SNTB1: variants seen among roughly 807,000 people sequenced by gnomAD.
SNTB1 encodes syntrophin beta 1.
In SNTB1, 36 loss-of-function variants were observed where a neutral mutation model predicts 48.9. The ratio of observed to expected loss-of-function variants is 0.74; its 90% CI spans 0.56 to 0.97. The LOEUF (loss-of-function observed/expected upper bound fraction) is 0.97. Ranked by LOEUF, SNTB1 falls within the 50% of genes least tolerant of loss-of-function variation. SNTB1 has a pLI of 0.00. For synonymous variants in SNTB1, 299 were observed against 294.6 expected, an observed-to-expected ratio of 1.01 and a Z score of -0.15; for missense variants, 786 against 703.4, an observed-to-expected ratio of 1.12 and a Z score of -1.33.
At chr8:120,621,875 C>T (rs1005067325) in intron 3 of SNTB1, among the ~76,000 whole-genome samples, 22 of 152,288 alleles carry the variant, frequency 1.4e-4, no homozygotes, top group African/African-American at 5.1e-4. Flanking sequence ...CTCCCTCCTC[C>T]CCGATCCCCA....
chr8:120,634,564 CA>C (rs1329374061), intron 2 of SNTB1, among the ~76,000 whole-genome samples: 3 of 152,146 alleles, frequency 2.0e-5, no homozygotes, highest in African/African-American at 7.2e-5. Context: ...TGAGATTGGA[CA>C]ATGTCTTATG....
At chr8:120,753,617 C>T (rs896263398) in intron 1 of SNTB1, among the ~76,000 whole-genome samples, 8 of 152,222 alleles carry the variant, frequency 5.3e-5, no homozygotes, top group Non-Finnish European at 8.8e-5. Context: ...GTGCTTGGTA[C>T]ATTTTCCCTG....
At chr8:120,616,412 GCCTCAGCCTTC>G (rs1437796296) in intron 3 of SNTB1, among the ~76,000 whole-genome samples, 9 of 149,150 alleles carry the variant, frequency 6.0e-5, no homozygotes, top group Non-Finnish European at 1.2e-4. Flanking sequence ...TGATCTTCCT[GCCTCAGCCTTC>G]CCAGTAAGCT....
chr8:120,700,699 T>C (rs1346756463), intron 1 of SNTB1, among the ~76,000 whole-genome samples: 1 of 152,182 alleles, frequency 6.6e-6, no homozygotes, highest in Non-Finnish European at 1.5e-5. Context: ...GAGCATTCAG[T>C]AAAGTACAAA....
chr8:120,608,674 T>C (rs1035871213), intron 3 of SNTB1, among the ~76,000 whole-genome samples: 1 of 152,192 alleles, frequency 6.6e-6, no homozygotes, highest in Non-Finnish European at 1.5e-5. Flanking sequence ...AGCAAACTAA[T>C]TCAGCTTCTA....
chr8:120,718,000 C>G (rs1177678220), intron 1 of SNTB1, among the ~76,000 whole-genome samples: 1 of 152,196 alleles, frequency 6.6e-6, no homozygotes, highest in Non-Finnish European at 1.5e-5. Context: ...GCCTTTGTCC[C>G]TTTTATTCTT....
At chr8:120,601,746 A>C (rs1353843338) in intron 3 of SNTB1, among the ~76,000 whole-genome samples, 1 of 152,132 alleles carries the variant, frequency 6.6e-6, no homozygotes, top group Non-Finnish European at 1.5e-5. Context: ...CCTCCAAATA[A>C]ATTGCTTGGT....
intron 1 of SNTB1, among the ~76,000 whole-genome samples, chr8:120,808,189 AG>A (rs1468598651): frequency 3.3e-5 from 5 of 152,184 alleles, no homozygotes; most frequent in Admixed American, 2.0e-4. Flanking sequence ...CTGGGATTAT[AG>A]GCGTGAGCTA....
intron 1 of SNTB1, among the ~76,000 whole-genome samples, chr8:120,714,334 G>C (rs1045897981): frequency 6.6e-6 from 1 of 152,140 alleles, no homozygotes; most frequent in Admixed American, 6.5e-5. Context: ...GACAATTCCA[G>C]CCAGCTGTGA....
intron 4 of SNTB1, chr8:120,570,398 T>C (rs1372675059): frequency 6.6e-6 from 1 of 152,214 alleles, no homozygotes; most frequent in East Asian, 1.9e-4. Context: ...ACTCCTGCTG[T>C]TCCCCATGGT....
At chr8:120,620,126 A>T (rs1587037540) in intron 3 of SNTB1, among the ~76,000 whole-genome samples, 1 of 152,194 alleles carries the variant, frequency 6.6e-6, no homozygotes, top group South Asian at 2.1e-4. Flanking sequence ...ACAAATTTGG[A>T]GATTTCTAGA....
chr8:120,644,432 G>A (rs1011878423), intron 2 of SNTB1, among the ~76,000 whole-genome samples: 5 of 150,854 alleles, frequency 3.3e-5, no homozygotes, highest in African/African-American at 1.2e-4. Context: ...TTGTTCTTGC[G>A]ATAGTTTACT....
intron 1 of SNTB1, among the ~76,000 whole-genome samples, chr8:120,770,068 G>A (rs1305133501): frequency 6.6e-6 from 1 of 152,102 alleles, no homozygotes; most frequent in Non-Finnish European, 1.5e-5. Flanking sequence ...TATATTTTCT[G>A]GGAAACATTT....
chr8:120,760,411 T>C (rs542537483), intron 1 of SNTB1, among the ~76,000 whole-genome samples: 1 of 152,096 alleles, frequency 6.6e-6, no homozygotes, highest in African/African-American at 2.4e-5. Flanking sequence ...CAAAGAATTA[T>C]ATCTTACTTG....
In SNTB1 at chr8:120,811,711, C is replaced by T. The variant is rs754847025; in HGVS notation, c.133G>A (p.Ala45Thr). Reference sequence around the variant, plus strand: ...CCCTCCTCGCTGCTCAGAACCAGGGCGTCCTCGCTCAAGTTCACCAGAACT... The same window carrying T: ...CCCTCCTCGCTGCTCAGAACCAGGGTGTCCTCGCTCAAGTTCACCAGAACT... Reference protein sequence around the residue: ...HKVLVNLSEDALVLSSEEGAA... With the variant: ...HKVLVNLSEDTLVLSSEEGAA... Residue 45 changes from alanine (A) to threonine (T), a missense_variant, in exon 1 of 7, where the codon GCC becomes ACC. Ala to Thr is a moderately conservative substitution (Grantham distance 58). Transcript: ENST00000517992. 6.3e-7 allele frequency: 1 copy of T among 1,577,618 alleles called. No individual in the cohort carries two copies. Among genetic ancestry groups the T allele is most frequent in the Admixed American group, 1.8e-5 (1 of 54,094 alleles).
chr8:120,714,483 CT>C lies in SNTB1; in HGVS notation c.572-20576del, dbSNP rs376862593. On this transcript the variant is annotated intron_variant, in intron 1 of 6. Transcript: ENST00000517992. Reference sequence around the variant, plus strand: ...TGGAATCATGGAGATATATAAAGTCCTTTTTTTTTTTTCTGGCAAAAACATT... The same window carrying C: ...TGGAATCATGGAGATATATAAAGTCCTTTTTTTTTTTCTGGCAAAAACATT... Among the ~76,000 whole-genome samples, 900 of 146,402 alleles carry C rather than the reference CT, an allele frequency of 6.1e-3. 9 individuals carry two copies. Among genetic ancestry groups the C allele is most frequent in the African/African-American group, 0.018 (714 of 40,210 alleles).
At chr8:120,608,880 A>C (rs1426273878) in intron 3 of SNTB1, among the ~76,000 whole-genome samples, 1 of 152,214 alleles carries the variant, frequency 6.6e-6, no homozygotes, top group African/African-American at 2.4e-5. Context: ...AAAGAAACCA[A>C]CTTGTGTGTG....
At chr8:120,740,363 A>T (rs1242019306) in intron 1 of SNTB1, among the ~76,000 whole-genome samples, 2 of 152,176 alleles carry the variant, frequency 1.3e-5, no homozygotes, top group African/African-American at 4.8e-5. Flanking sequence ...ATTTCCTTTC[A>T]TTGATTTTGC....
intron 2 of SNTB1, chr8:120,654,774 C>A (rs1817471132): frequency 3.5e-6 from 1 of 283,706 alleles, no homozygotes. Flanking sequence ...CCTCTACTTC[C>A]TCTGTTTAGA....
Sources: gnomAD v4.1 joint callset for allele counts (sites outside exome capture counted in the v4.1 genomes callset) on GRCh38, gnomAD v4.1.1 for gene constraint, MANE v1.5 for transcripts, NCBI Gene and HGNC (gene_info 2026-07-23, HGNC 2026-07-21) for gene names.